NPAS3: variants seen among roughly 807,000 people sequenced by gnomAD.
NPAS3 encodes the protein neuronal PAS domain protein 3, also known as neuronal PAS domain-containing protein 3.
In NPAS3, 14 loss-of-function variants were observed where a neutral mutation model predicts 73.1. That is an observed-to-expected ratio of 0.19 (90% CI 0.13 to 0.30). NPAS3 has a LOEUF of 0.30. Among genes scored for constraint, NPAS3 ranks in the 10% least tolerant of loss-of-function variants. The probability of loss-of-function intolerance (pLI) is 1.00; values close to 1 mark genes in which losing one functional copy is unlikely to be tolerated. For synonymous variants in NPAS3, 620 were observed against 541.5 expected, an observed-to-expected ratio of 1.14 and a Z score of -2.01; for missense variants, 1,096 against 1,250.0, an observed-to-expected ratio of 0.88 and a Z score of 1.86.
Position 33,709,474 on chromosome 14 carries a change from G to A in NPAS3, c.734-25740G>A, listed in dbSNP as rs556938216. Among the ~76,000 whole-genome samples, 6 of 152,248 alleles carry A rather than the reference G, an allele frequency of 3.9e-5. No homozygotes were observed. The South Asian group carries it at 8.3e-4, about 21-fold the overall frequency. ...AGCCTACCCTCTGAATAAATAACTC[G>A]GGAGGGCAAGAGTTTAGGTTGACTT... On this transcript the variant is annotated intron_variant, in intron 6 of 11. Coordinates refer to ENST00000356141, the Ensembl canonical transcript of NPAS3.
At position 33,190,401 on chromosome 14, in the gene NPAS3, G is replaced by T. The variant is rs1434872326; in HGVS notation, c.141-24781G>T. ...ACACAAGAAACAATCCACAATATTTGCTTCTGGGGATAGAGAGCTTTTAGA... is the reference window on the plus strand; with the variant it reads ...ACACAAGAAACAATCCACAATATTTTCTTCTGGGGATAGAGAGCTTTTAGA... On this transcript the variant is annotated intron_variant, in intron 2 of 11. Coordinates refer to ENST00000356141, the Ensembl canonical transcript of NPAS3. Among the ~76,000 whole-genome samples the T allele has an allele frequency of 1.3e-5, 2 of 152,182 alleles. 1 individual carries two copies. The highest frequency in any genetic ancestry group is 2.9e-5 in the Non-Finnish European group (2 of 68,016).
chr14:33,428,274 C>T (rs1156625658), intron 4 of NPAS3, among the ~76,000 whole-genome samples: 1 of 151,974 alleles, frequency 6.6e-6, no homozygotes, highest in African/African-American at 2.4e-5. Flanking sequence ...CTTTGGTGTC[C>T]TTCATCTGTA....
chr14:33,514,269 G>A (rs1368458771), intron 4 of NPAS3, among the ~76,000 whole-genome samples: 1 of 151,910 alleles, frequency 6.6e-6, no homozygotes, highest in African/African-American at 2.4e-5. Context: ...ACATAGACAG[G>A]GCAGCTTGTC....
chr14:33,791,055 G>C (rs1014969480), intron 9 of NPAS3, among the ~76,000 whole-genome samples: 1 of 152,160 alleles, frequency 6.6e-6, no homozygotes, highest in Non-Finnish European at 1.5e-5. Context: ...GGCGCTTGGG[G>C]GTCTCATTCA....
intron 2 of NPAS3, among the ~76,000 whole-genome samples, chr14:33,167,339 C>T (rs902816915): frequency 6.6e-6 from 1 of 152,052 alleles, no homozygotes. Context: ...AGGGCAATTT[C>T]TCAAAGTATT....
rs562608695 is a variant in NPAS3, at chr14:33,692,772, T to A, written c.733+16387T>A. ...GTATTTGTGTGAGACTATCAGTTTTTGGTGAGCTTTGGGGTTTTTTTAAAC... is the reference window on the plus strand; with the variant it reads ...GTATTTGTGTGAGACTATCAGTTTTAGGTGAGCTTTGGGGTTTTTTTAAAC... On this transcript the variant is annotated intron_variant, in intron 6 of 11. Coordinates refer to ENST00000356141, the Ensembl canonical transcript of NPAS3. 5.3e-5 allele frequency among the ~76,000 whole-genome samples: 8 copies of A among 150,872 alleles called. No homozygotes were observed. In the South Asian group the frequency reaches 1.7e-3, roughly 32 times the overall value.
intron 4 of NPAS3, among the ~76,000 whole-genome samples, chr14:33,492,961 C>T (rs866429120): frequency 6.6e-6 from 1 of 152,066 alleles, no homozygotes; most frequent in Non-Finnish European, 1.5e-5. Flanking sequence ...CCCTTAACCT[C>T]GATTTATGGT....
At chr14:33,164,937 T>C (rs2045067306) in intron 2 of NPAS3, among the ~76,000 whole-genome samples, 1 of 152,148 alleles carries the variant, frequency 6.6e-6, no homozygotes, top group African/African-American at 2.4e-5. Context: ...TATCCCATTA[T>C]GAATTTAATA....
intron 6 of NPAS3, among the ~76,000 whole-genome samples, chr14:33,698,299 T>C (rs1038201164): frequency 6.6e-6 from 1 of 152,270 alleles, no homozygotes; most frequent in Non-Finnish European, 1.5e-5. Flanking sequence ...ATTCTGCTTT[T>C]AGGAACACAA....
chr14:32,938,774 GAAC>G (rs1566779915), upstream of NPAS3, among the ~76,000 whole-genome samples: 1 of 148,986 alleles, frequency 6.7e-6, no homozygotes, highest in African/African-American at 2.4e-5. Context: ...GCGGGGGTGA[GAAC>G]CCGGAGGCGG....
intron 6 of NPAS3, among the ~76,000 whole-genome samples, chr14:33,705,525 ACTTT>A (rs1312086895): frequency 6.6e-6 from 1 of 152,220 alleles, no homozygotes; most frequent in Non-Finnish European, 1.5e-5. Flanking sequence ...AATGAAAAAG[ACTTT>A]CTTTTGTTGC....
chr14:33,658,496 T>C (rs2059213737), intron 5 of NPAS3, among the ~76,000 whole-genome samples: 1 of 152,168 alleles, frequency 6.6e-6, no homozygotes, highest in South Asian at 2.1e-4. Flanking sequence ...TCCCTCTACT[T>C]CCATCAATAA....
At chr14:33,711,067 C>A (rs2060805081) in intron 6 of NPAS3, among the ~76,000 whole-genome samples, 1 of 152,104 alleles carries the variant, frequency 6.6e-6, no homozygotes, top group Non-Finnish European at 1.5e-5. Context: ...GACTGAAGCC[C>A]GTCTACTATT....
rs554063881 is a variant in NPAS3, at chr14:33,418,046, AG to A, written c.468+50780del. Among the ~76,000 whole-genome samples, 72 of 107,982 alleles carry A rather than the reference AG, an allele frequency of 6.7e-4. 2 individuals are homozygous for A. In the South Asian group the frequency reaches 0.021, roughly 31 times the overall value. The allele number at this position is 107,982 out of a possible 152,430, so 70.8% of individuals were successfully genotyped here. On this transcript the variant is annotated intron_variant, in intron 4 of 11. Coordinates refer to ENST00000356141, the Ensembl canonical transcript of NPAS3. ...AAAAGATAATGAACAAAAGCAATGCAGGATTTTTTTTTTTCAGAAATCTAAT... is the reference window on the plus strand; with the variant it reads ...AAAAGATAATGAACAAAAGCAATGCAGATTTTTTTTTTTCAGAAATCTAAT...
intron 3 of NPAS3, among the ~76,000 whole-genome samples, chr14:33,263,317 C>G (rs752311236): frequency 3.9e-5 from 6 of 152,170 alleles, no homozygotes; most frequent in Non-Finnish European, 8.8e-5. Context: ...GGAAGGGATC[C>G]AGTTTCAGCT....
intron 1 of NPAS3, among the ~76,000 whole-genome samples, chr14:33,053,603 A>T (rs144913657): frequency 2.6e-5 from 4 of 152,218 alleles, no homozygotes; most frequent in African/African-American, 7.2e-5. Flanking sequence ...TAGCTTTTTG[A>T]TGATAACATA....
At chr14:33,282,529 G>T (rs1331158623) in intron 3 of NPAS3, among the ~76,000 whole-genome samples, 2 of 152,198 alleles carry the variant, frequency 1.3e-5, no homozygotes, top group Non-Finnish European at 2.9e-5. Flanking sequence ...GTTGATCCCT[G>T]CGTAATTAGG....
intron 3 of NPAS3, among the ~76,000 whole-genome samples, chr14:33,299,101 G>A (rs1190775520): frequency 1.3e-5 from 2 of 152,142 alleles, no homozygotes; most frequent in Non-Finnish European, 2.9e-5. Context: ...TAGAGTTTCT[G>A]GAGCTGCCAT....
At chr14:33,233,175 T>C (rs1594463312) in intron 3 of NPAS3, among the ~76,000 whole-genome samples, 1 of 152,310 alleles carries the variant, frequency 6.6e-6, no homozygotes, top group East Asian at 1.9e-4. Flanking sequence ...GACTTGATAT[T>C]TCCCTTAGTT....
Sources: allele counts gnomAD v4.1 joint callset (sites outside exome capture counted in the v4.1 genomes callset), GRCh38; gene constraint gnomAD v4.1.1; transcripts MANE v1.5; gene names NCBI Gene and HGNC (gene_info 2026-07-23, HGNC 2026-07-21).